The following IFI44 variants were observed in gnomAD, a reference collection of about 807,000 sequenced individuals.
IFI44 encodes the protein interferon induced protein 44, also known as interferon-induced protein 44.
In IFI44, 42 loss-of-function variants were observed where a neutral mutation model predicts 45.0. That is an observed-to-expected ratio of 0.93 (90% CI 0.73 to 1.21). The LOEUF (loss-of-function observed/expected upper bound fraction) is 1.21, where lower values mean the gene tolerates loss of function less well. IFI44 is among the 50% of genes most tolerant of loss of function. The probability of loss-of-function intolerance (pLI) is 0.00; values close to 1 mark genes in which losing one functional copy is unlikely to be tolerated. For missense variants in IFI44, 623 were observed against 525.8 expected (o/e 1.18, Z -1.81); for synonymous variants, 221 against 188.6 (o/e 1.17, Z -1.41).
chr1:78,662,907 G>A, intron 8 of IFI44, 29 bp downstream of exon 8: 1 of 1,613,006 alleles, frequency 6.2e-7, no homozygotes, highest in Non-Finnish European at 8.5e-7. Context: ...TGGAAGCTTG[G>A]AAGCGGTCAG....
intron 6 of IFI44, 35 bp from the exon 7 acceptor site, chr1:78,660,519 C>T: frequency 1.4e-6 from 2 of 1,431,814 alleles, no homozygotes; most frequent in African/African-American, 2.8e-5. Context: ...TACTGATGCT[C>T]TCTAAAATGA....
At chr1:78,651,234 T>C (rs1448861526) in intron 2 of IFI44, among the ~76,000 whole-genome samples, 1 of 152,182 alleles carries the variant, frequency 6.6e-6, no homozygotes. Flanking sequence ...ATGAAATAAT[T>C]ACACAACTCA....
intron 2 of IFI44, among the ~76,000 whole-genome samples, chr1:78,651,888 A>G (rs901740313): frequency 1.3e-5 from 2 of 152,164 alleles, no homozygotes; most frequent in African/African-American, 4.8e-5. Flanking sequence ...GAAACCTAAG[A>G]AAAGGCAGAA....
intron 5 of IFI44, among the ~76,000 whole-genome samples, chr1:78,657,716 A>G (rs1471735136): frequency 6.6e-6 from 1 of 152,120 alleles, no homozygotes; most frequent in African/African-American, 2.4e-5. Flanking sequence ...GCCTTTTTGC[A>G]AGACTTTGAA....
rs1312508945 is a variant in IFI44, at chr1:78,650,286, A to G, written c.91A>G (p.Ser31Gly). Residue 31 changes from serine (S) to glycine (G), a missense_variant, in exon 2 of 9, where the codon AGT becomes GGT. Ser to Gly is a moderately conservative substitution (Grantham distance 56). Coordinates refer to ENST00000370747, the MANE Select transcript of IFI44 (RefSeq NM_006417.5). ...GKRLSLLYKG[S>G]VHGFRNGVLL... ...GCGGCTTAGCCTTCTCTATAAGGGTAGTGTCCATGGATTCCGTAATGGAGT... is the reference window on the plus strand; with the variant it reads ...GCGGCTTAGCCTTCTCTATAAGGGTGGTGTCCATGGATTCCGTAATGGAGT... The G allele has an allele frequency of 3.7e-6, 6 of 1,613,960 alleles. No homozygotes were observed. Among genetic ancestry groups the G allele is most frequent in the East Asian group, 2.2e-5 (1 of 44,872 alleles).
At chr1:78,663,551 TTC>T (rs1190521915) in intron 8 of IFI44, 1 of 985,116 alleles carries the variant, frequency 1.0e-6, no homozygotes, top group Non-Finnish European at 1.2e-6. Flanking sequence ...TCCTCTCCAA[TTC>T]TCTCTTACTC....
At chr1:78,663,643 C>T (rs550323445) in intron 8 of IFI44, 122 bp from the exon 9 acceptor site, 6 of 1,423,244 alleles carry the variant, frequency 4.2e-6, no homozygotes, top group African/African-American at 1.5e-5. Flanking sequence ...TTCTCTTCCT[C>T]ATGGTACGTG....
chr1:78,662,040 GTTAA>G (rs1647488017), intron 7 of IFI44, among the ~76,000 whole-genome samples: 1 of 152,178 alleles, frequency 6.6e-6, no homozygotes. Context: ...TATGATCAAA[GTTAA>G]TTAAAGTTAT....
In IFI44 at chr1:78,655,378, T is replaced by A; in HGVS notation, c.707T>A (p.Ile236Asn). 1 of 1,612,688 alleles carries A rather than the reference T, an allele frequency of 6.2e-7. No homozygotes were observed. The highest frequency in any genetic ancestry group is 8.5e-7 in the Non-Finnish European group (1 of 1,179,380). Residue 236 changes from isoleucine (I) to asparagine (N), a missense_variant, in exon 5 of 9, where the codon ATT (isoleucine) becomes AAT (asparagine). Physicochemically the swap from Ile to Asn is moderately radical, Grantham distance 149. Transcript: ENST00000370747. ...CCTCTACAGTATAGGACATACTCTA[T>A]TAGAGACGGGAAAGATGGCAAATAC... ...GISEKYRTYS[I>N]RDGKDGKYLP...
chr1:78,655,670 C>G (rs1647196233), intron 5 of IFI44, among the ~76,000 whole-genome samples, 159 bp downstream of exon 5: 1 of 151,832 alleles, frequency 6.6e-6, no homozygotes, highest in Non-Finnish European at 1.5e-5. Flanking sequence ...GAGGGCTCTT[C>G]CATCATGGCT....
Position 78,659,331 on chromosome 1 carries a change from T to C in IFI44, c.860T>C (p.Ile287Thr), listed in dbSNP as rs775662642. 6.8e-6 allele frequency: 11 copies of C among 1,612,662 alleles called. No homozygotes were observed. The highest frequency in any genetic ancestry group is 9.3e-6 in the Non-Finnish European group (11 of 1,178,918). Residue 287 changes from isoleucine (I) to threonine (T), a missense_variant, in exon 6 of 9, where the codon ATC (isoleucine) becomes ACC (threonine). By Grantham distance (89) the Ile-to-Thr change is moderately conservative. Coordinates refer to ENST00000370747, the MANE Select transcript of IFI44 (RefSeq NM_006417.5). ...DRYQFNPMES[I>T]KLNHHDYIDS... ...TTACAGTTTAATCCCATGGAATCAA[T>C]CAAATTAAATCATCATGACTACATT...
chr1:78,662,876 T>C lies in IFI44; in HGVS notation c.1286T>C (p.Ile429Thr), dbSNP rs773841757. 1.9e-6 allele frequency: 3 copies of C among 1,582,988 alleles called. No individual in the cohort carries two copies. The highest frequency in any genetic ancestry group is 1.1e-5 in the South Asian group (1 of 89,956). ...TTAGAGGATTTGCCTTTTGAGCAAATAGGTAGATGGTTTGGTGGTGTGGAA... is the reference window on the plus strand; with the variant it reads ...TTAGAGGATTTGCCTTTTGAGCAAACAGGTAGATGGTTTGGTGGTGTGGAA... ...DFLEDLPFEQ[I>T]GNLREEIINC... is the part of the protein sequence containing the mutation. The change falls in exon 8 of 9, where the codon ATA becomes ACA. Residue 429 changes from isoleucine to threonine, a missense_variant and splice_region_variant. Transcript: ENST00000370747.
chr1:78,650,002 T>G, intron 1 of IFI44, 97 bp downstream of exon 1: 1 of 448,750 alleles, frequency 2.2e-6, no homozygotes, highest in Admixed American at 3.9e-5. Context: ...AGTTTTTGTT[T>G]TAATTTAAAA....
intron 7 of IFI44, 180 bp downstream of exon 7, chr1:78,660,834 G>C: frequency 1.6e-6 from 1 of 615,288 alleles, no homozygotes; most frequent in Non-Finnish European, 3.0e-6. Context: ...GGTATTTGCA[G>C]GGGATTAGTT....
intron 8 of IFI44, 69 bp downstream of exon 8, chr1:78,662,947 T>C: frequency 1.1e-5 from 17 of 1,611,436 alleles, no homozygotes; most frequent in Non-Finnish European, 1.4e-5. Context: ...TTGGATCTAT[T>C]AAATACCTGG....
At chr1:78,650,705 G>A (rs776312856) in intron 2 of IFI44, 53 bp downstream of exon 2, 5 of 1,213,550 alleles carry the variant, frequency 4.1e-6, no homozygotes, top group Non-Finnish European at 3.5e-6. Context: ...TGTTTGGTAG[G>A]TTTGAACCAA....
chr1:78,658,384 G>A (rs976435613), intron 5 of IFI44, among the ~76,000 whole-genome samples: 2 of 152,046 alleles, frequency 1.3e-5, no homozygotes, highest in African/African-American at 4.8e-5. Context: ...AAACATTTTA[G>A]CATATTTTTA....
intron 5 of IFI44, among the ~76,000 whole-genome samples, chr1:78,657,249 G>T (rs532589261): frequency 6.6e-6 from 1 of 151,912 alleles, no homozygotes; most frequent in South Asian, 2.1e-4. Flanking sequence ...ATTCAAATAG[G>T]TCTATTCAGT....
intron 2 of IFI44, among the ~76,000 whole-genome samples, chr1:78,652,641 C>T (rs1334197069): frequency 6.6e-6 from 1 of 152,180 alleles, no homozygotes; most frequent in African/African-American, 2.4e-5. Flanking sequence ...TATTTTTGTA[C>T]GTAGCAATAG....
Sources: gnomAD v4.1 joint callset for allele counts (sites outside exome capture counted in the v4.1 genomes callset) on GRCh38, gnomAD v4.1.1 for gene constraint, MANE v1.5 for transcripts, NCBI Gene and HGNC (gene_info 2026-07-23, HGNC 2026-07-21) for gene names.